METTL24: variants seen among roughly 807,000 people sequenced by gnomAD.
The protein encoded by METTL24 is methyltransferase like 24.
A neutral mutation model predicts 32.7 loss-of-function variants in METTL24; 29 were observed. That is an observed-to-expected ratio of 0.89 (90% confidence interval 0.66 to 1.21). METTL24 has a LOEUF of 1.21. Among genes scored for constraint, METTL24 ranks in the 50% most tolerant of loss-of-function variants. The pLI, the probability that METTL24 is intolerant of heterozygous loss-of-function variation, is 0.00. For synonymous variants in METTL24, 163 were observed against 179.5 expected (o/e 0.91, Z 0.73); for missense variants, 439 against 468.1 (o/e 0.94, Z 0.57).
chr6:110,331,253 G>A (rs555014580), intron 1 of METTL24, among the ~76,000 whole-genome samples: 4 of 152,138 alleles, frequency 2.6e-5, no homozygotes, highest in African/African-American at 9.7e-5. Context: ...TTGTGGGCAG[G>A]GGGGAAAGAG....
chr6:110,338,125 C>G (rs1486391971), intron 1 of METTL24, among the ~76,000 whole-genome samples: 3 of 152,208 alleles, frequency 2.0e-5, no homozygotes, highest in Admixed American at 6.5e-5. Context: ...GGGAAATTCA[C>G]TAACTGGACT....
At chr6:110,340,416 A>G (rs999206600) in intron 1 of METTL24, among the ~76,000 whole-genome samples, 7 of 152,166 alleles carry the variant, frequency 4.6e-5, no homozygotes, top group African/African-American at 1.7e-4. Context: ...CCAAGTTTAG[A>G]AATCAACCAT....
intron 4 of METTL24, among the ~76,000 whole-genome samples, chr6:110,268,553 C>A (rs138267107): frequency 1.3e-5 from 2 of 152,144 alleles, no homozygotes; most frequent in African/African-American, 4.8e-5. Flanking sequence ...TGGGGGTAAG[C>A]GGCAGAAATC....
chr6:110,260,697 G>A (rs1185933578), intron 4 of METTL24, among the ~76,000 whole-genome samples: 2 of 152,186 alleles, frequency 1.3e-5, no homozygotes, highest in African/African-American at 2.4e-5. Flanking sequence ...AGGAAAAAAT[G>A]TTAAGGGTAG....
chr6:110,352,506 G>A (rs1162844526), intron 1 of METTL24, among the ~76,000 whole-genome samples: 2 of 152,036 alleles, frequency 1.3e-5, no homozygotes, highest in East Asian at 3.9e-4. Flanking sequence ...TTACATATGG[G>A]TCTAGATTAT....
At chr6:110,334,183 C>T (rs779104034) in intron 1 of METTL24, among the ~76,000 whole-genome samples, 3 of 152,166 alleles carry the variant, frequency 2.0e-5, no homozygotes, top group African/African-American at 4.8e-5. Context: ...CCCGGGGGCC[C>T]ACAGGGCTCC....
At chr6:110,270,073 A>G (rs1311344549) in intron 4 of METTL24, among the ~76,000 whole-genome samples, 6 of 152,232 alleles carry the variant, frequency 3.9e-5, no homozygotes. Context: ...ATCATCCAAA[A>G]ATATATACTT....
intron 4 of METTL24, among the ~76,000 whole-genome samples, chr6:110,263,647 G>T (rs1278819380): frequency 1.3e-5 from 2 of 152,172 alleles, no homozygotes; most frequent in Non-Finnish European, 2.9e-5. Context: ...AACCAAAAAA[G>T]AGCCCGCATC....
At chr6:110,263,573 C>A (rs1313249348) in intron 4 of METTL24, among the ~76,000 whole-genome samples, 4 of 152,194 alleles carry the variant, frequency 2.6e-5, no homozygotes, top group Non-Finnish European at 5.9e-5. Context: ...TCAATGCCAT[C>A]CCCATCGAGC....
At chr6:110,257,818 T>C (rs1778412561) in intron 4 of METTL24, among the ~76,000 whole-genome samples, 1 of 152,188 alleles carries the variant, frequency 6.6e-6, no homozygotes, top group African/African-American at 2.4e-5. Flanking sequence ...CCTTGGAAGG[T>C]ATAAGATAGT....
At chr6:110,350,759 C>CAATAAAATAAAATAAAATAAAAT in intron 1 of METTL24, among the ~76,000 whole-genome samples, 3 of 66,948 alleles carry the variant, frequency 4.5e-5, no homozygotes, top group African/African-American at 1.9e-4. Context: ...GACCCTGTCT[C>CAATAAAATAAAATAAAATAAAAT]AACAAAATAA....
Position 110,256,892 on chromosome 6 carries a change from G to A in METTL24, c.787-10632C>T, listed in dbSNP as rs181251964. ...CATGTCACTTCCTTTTTGTGTGCCC[G>A]TTTCTCTATTCATGTCACTTCCTTC... On this transcript the variant is annotated intron_variant, in intron 4 of 4. Transcript: ENST00000338882. Among the ~76,000 whole-genome samples the A allele has an allele frequency of 3.9e-3, 596 of 152,156 alleles. 2 individuals are homozygous for A. Among genetic ancestry groups the A allele is most frequent in the Non-Finnish European group, 6.4e-3 (432 of 68,018 alleles).
intron 3 of METTL24, among the ~76,000 whole-genome samples, chr6:110,305,032 A>G (rs900793665): frequency 6.6e-6 from 1 of 152,180 alleles, no homozygotes; most frequent in Non-Finnish European, 1.5e-5. Flanking sequence ...AATAATTTTA[A>G]CCCAGAATTT....
chr6:110,277,351 C>T (rs1401361967), intron 4 of METTL24, among the ~76,000 whole-genome samples: 2 of 152,118 alleles, frequency 1.3e-5, no homozygotes, highest in African/African-American at 4.8e-5. Context: ...GGAAAGAGCT[C>T]AGACTTCATT....
At chr6:110,266,654 A>T (rs113685033) in intron 4 of METTL24, among the ~76,000 whole-genome samples, 1,565 of 152,222 alleles carry the variant, frequency 0.01, 12 homozygotes, top group Non-Finnish European at 0.017. Context: ...GGGCTGCAAA[A>T]TCATACTTGG....
chr6:110,276,502 ACT>A (rs1201865720), intron 4 of METTL24, among the ~76,000 whole-genome samples: 1 of 152,152 alleles, frequency 6.6e-6, no homozygotes, highest in African/African-American at 2.4e-5. Context: ...TCAAGAATAA[ACT>A]CAGTCTCCCA....
rs544274787 is a variant in METTL24 at position 110,264,981 on chromosome 6, G to A, written c.787-18721C>T. ...ACACTGGGGCCTGTTGTGGGGTGGG[G>A]GTAGTGGGGAGGGATAGCATTAGGA... On this transcript the variant is annotated intron_variant, in intron 4 of 4. Coordinates refer to ENST00000338882, the MANE Select transcript of METTL24 (RefSeq NM_001123364.3). Among the ~76,000 whole-genome samples, 206 of 152,026 alleles carry A rather than the reference G, an allele frequency of 1.4e-3. 2 individuals are homozygous for A. Among genetic ancestry groups the A allele is most frequent in the African/African-American group, 4.9e-3 (202 of 41,436 alleles).
At position 110,245,971 on chromosome 6, in the gene METTL24, C is replaced by A; in HGVS notation, c.1076G>T (p.Ser359Ile). 6.2e-7 allele frequency: 1 copy of A among 1,613,374 alleles called. No homozygotes were observed. Among genetic ancestry groups the A allele is most frequent in the South Asian group, 1.1e-5 (1 of 90,946 alleles). Residue 359 changes from serine to isoleucine, a missense_variant, in exon 5 of 5, where the codon AGT becomes ATT. Coordinates refer to ENST00000338882, the MANE Select transcript of METTL24 (RefSeq NM_001123364.3). The stretch of plus-strand genomic sequence containing the variant: ...CTATTTCCATCTTGTATTCACCCAA[C>A]TCAGAGTATAACAGCTACTTGCATT... ...IFNASSCYTL[S>I]WVNTRWK
At chr6:110,311,468 GTTTTTTTTTTTTT>G (rs1051868507) in intron 3 of METTL24, among the ~76,000 whole-genome samples, 1 of 96,142 alleles carries the variant, frequency 1.0e-5, no homozygotes, top group Non-Finnish European at 2.0e-5. Flanking sequence ...TTCTTTCTTT[GTTTTTTTTTTTTT>G]TTTTTTTTTT....
Sources: gnomAD v4.1 joint callset for allele counts (sites outside exome capture counted in the v4.1 genomes callset) on GRCh38, gnomAD v4.1.1 for gene constraint, MANE v1.5 for transcripts, NCBI Gene and HGNC (gene_info 2026-07-23, HGNC 2026-07-21) for gene names.